CDK14: variants seen among roughly 807,000 people sequenced by gnomAD.
CDK14 encodes the protein cyclin dependent kinase 14.
CDK14 carries 34 observed loss-of-function variants against 60.7 expected under a neutral mutation model. The ratio of observed to expected loss-of-function variants is 0.56; its 90% CI spans 0.43 to 0.75. The LOEUF is 0.75. CDK14 is among the 30% of genes least tolerant of loss of function. CDK14 has a pLI of 0.00. For synonymous variants in CDK14, 197 were observed against 203.7 expected, an observed-to-expected ratio of 0.97 and a Z score of 0.28; for missense variants, 482 against 564.1, an observed-to-expected ratio of 0.85 and a Z score of 1.47.
At chr7:90,712,581 T>C (rs1802105953) in intron 2 of CDK14, among the ~76,000 whole-genome samples, 1 of 152,204 alleles carries the variant, frequency 6.6e-6, no homozygotes, top group Middle Eastern at 3.4e-3. Flanking sequence ...ATAAATACTT[T>C]AGATATACTA....
chr7:91,145,945 TA>T (rs1800621168), intron 14 of CDK14, among the ~76,000 whole-genome samples: 3 of 151,714 alleles, frequency 2.0e-5, no homozygotes, highest in Non-Finnish European at 2.9e-5. Context: ...TTTATTTATT[TA>T]TTTATTTATT....
chr7:90,803,734 A>T (rs1178399369), intron 5 of CDK14, among the ~76,000 whole-genome samples: 1 of 152,188 alleles, frequency 6.6e-6, no homozygotes, highest in Admixed American at 6.5e-5. Flanking sequence ...GTCATATTCG[A>T]GTATATGATC....
At chr7:90,643,828 CT>C (rs1800400689) in intron 2 of CDK14, among the ~76,000 whole-genome samples, 2 of 152,276 alleles carry the variant, frequency 1.3e-5, no homozygotes, top group Admixed American at 6.5e-5. Context: ...CTGTTCACAT[CT>C]CAACAGCCTC....
At chr7:91,173,637 C>A (rs1801608488) in intron 14 of CDK14, among the ~76,000 whole-genome samples, 1 of 152,194 alleles carries the variant, frequency 6.6e-6, no homozygotes, top group Non-Finnish European at 1.5e-5. Flanking sequence ...GGCATTGCCT[C>A]ACTTGGGAAG....
At chr7:91,045,998 A>C in intron 11 of CDK14, 38 bp downstream of exon 11, 1 of 1,347,908 alleles carries the variant, frequency 7.4e-7, no homozygotes, top group Non-Finnish European at 1.1e-6. Flanking sequence ...GGTGCTTCCT[A>C]TATGCAAAAG....
intron 2 of CDK14, among the ~76,000 whole-genome samples, chr7:90,682,021 G>A (rs1801327754): frequency 6.6e-6 from 1 of 152,056 alleles, no homozygotes; most frequent in African/African-American, 2.4e-5. Context: ...TTTACTAGTG[G>A]TATCCACTGC....
intron 12 of CDK14, among the ~76,000 whole-genome samples, chr7:91,106,042 G>A (rs1036197217): frequency 1.3e-5 from 2 of 152,124 alleles, no homozygotes; most frequent in African/African-American, 4.8e-5. Flanking sequence ...TAATGAGATC[G>A]CATTGCATCC....
chr7:90,649,366 T>TTCCTTCCTTCCTTCCTTCCTTCCTTCC (rs1491135766), intron 2 of CDK14, among the ~76,000 whole-genome samples: 1 of 22,178 alleles, frequency 4.5e-5, no homozygotes, highest in African/African-American at 3.0e-4. Context: ...CCTTCCTTCC[T>TTCCTTCCTTCCTTCCTTCCTTCCTTCC]TTCCTTCCTT....
At chr7:90,654,536 C>G (rs1424459080) in intron 2 of CDK14, among the ~76,000 whole-genome samples, 2 of 152,276 alleles carry the variant, frequency 1.3e-5, no homozygotes, top group East Asian at 3.9e-4. Flanking sequence ...TAGAACTCAT[C>G]ATTTCACTAA....
rs769040282 is a variant in CDK14, at chr7:90,849,159, C to G, written c.545-14016C>G. On this transcript the variant is annotated intron_variant, in intron 5 of 14. Coordinates refer to ENST00000380050, the MANE Select transcript of CDK14 (RefSeq NM_001287135.2). ...CCTCATGAATGGCTTGGTGCTCTTA[C>G]GGGGCAGTGAGTTCACTTCACATCT... Among the ~76,000 whole-genome samples, 11 of 152,048 alleles carry G rather than the reference C, an allele frequency of 7.2e-5. 1 individual carries two copies. The South Asian group carries it at 1.7e-3, about 23-fold the overall frequency.
intron 5 of CDK14, among the ~76,000 whole-genome samples, chr7:90,848,069 T>C (rs1420896652): frequency 3.3e-5 from 5 of 152,144 alleles, no homozygotes; most frequent in Non-Finnish European, 1.5e-5. Flanking sequence ...TGTGTGTATG[T>C]TGGGGGTGGG....
chr7:91,152,873 T>C (rs1800864026), intron 14 of CDK14, among the ~76,000 whole-genome samples: 1 of 152,226 alleles, frequency 6.6e-6, no homozygotes, highest in Non-Finnish European at 1.5e-5. Flanking sequence ...AAGAATGATC[T>C]TATATAATAA....
At chr7:90,796,983 C>T (rs1340493962) in intron 5 of CDK14, among the ~76,000 whole-genome samples, 1 of 151,642 alleles carries the variant, frequency 6.6e-6, no homozygotes, top group Non-Finnish European at 1.5e-5. Context: ...ATGAAAAAGT[C>T]AGAATCAAAA....
intron 5 of CDK14, among the ~76,000 whole-genome samples, chr7:90,826,299 G>A (rs4286872): frequency 0.72 from 109,228 of 152,024 alleles, 39,459 homozygotes; most frequent in East Asian, 0.89. Context: ...GCTCACTGCA[G>A]CCTCTGCCTC....
chr7:90,671,174 G>A (rs1422338027), intron 2 of CDK14, among the ~76,000 whole-genome samples: 2 of 152,100 alleles, frequency 1.3e-5, no homozygotes, highest in Non-Finnish European at 2.9e-5. Context: ...GTAGGAAGTT[G>A]TGATGATCGT....
At chr7:90,597,833 G>GTTTTTTTTTTTTTT (rs11351927) in intron 1 of CDK14, among the ~76,000 whole-genome samples, 3 of 138,610 alleles carry the variant, frequency 2.2e-5, no homozygotes, top group Non-Finnish European at 1.6e-5. Context: ...ATTTAGCCAA[G>GTTTTTTTTTTTTTT]TTTTTTTTTT....
chr7:91,066,763 G>A (rs1797996319), intron 11 of CDK14, among the ~76,000 whole-genome samples: 1 of 152,154 alleles, frequency 6.6e-6, no homozygotes, highest in Non-Finnish European at 1.5e-5. Context: ...TACGTGCATG[G>A]CGGTTTGAGA....
At chr7:90,678,231 G>A (rs1801239631) in intron 2 of CDK14, among the ~76,000 whole-genome samples, 1 of 152,206 alleles carries the variant, frequency 6.6e-6, no homozygotes, top group South Asian at 2.1e-4. Flanking sequence ...CGGTTGGTGG[G>A]TTCTCCAAGA....
chr7:90,781,355 A>G (rs1332685373), intron 4 of CDK14, among the ~76,000 whole-genome samples: 3 of 151,902 alleles, frequency 2.0e-5, no homozygotes, highest in Non-Finnish European at 4.4e-5. Context: ...ATTTTCTCCC[A>G]TTTTATGGGT....
Sources: gnomAD v4.1 joint callset for allele counts (sites outside exome capture counted in the v4.1 genomes callset) on GRCh38, gnomAD v4.1.1 for gene constraint, MANE v1.5 for transcripts, NCBI Gene and HGNC (gene_info 2026-07-23, HGNC 2026-07-21) for gene names.